EXO1: variants seen among roughly 807,000 people sequenced by gnomAD.
EXO1 encodes the protein exonuclease 1.
In EXO1, 69 loss-of-function variants were observed where a neutral mutation model predicts 84.5. The ratio of observed to expected loss-of-function variants is 0.82; its 90% CI spans 0.67 to 1.00. EXO1 has a LOEUF of 1.00. Ranked by LOEUF, EXO1 falls within the 50% of genes least tolerant of loss-of-function variation. EXO1 has a pLI of 0.00. For synonymous variants in EXO1, 373 were observed against 366.1 expected, an observed-to-expected ratio of 1.02 and a Z score of -0.21; for missense variants, 1,045 against 1,000.7, an observed-to-expected ratio of 1.04 and a Z score of -0.60.
At chr1:241,860,265 A>C (rs1301108160) in intron 8 of EXO1, among the ~76,000 whole-genome samples, 1 of 149,772 alleles carries the variant, frequency 6.7e-6, no homozygotes, top group Non-Finnish European at 1.5e-5. Context: ...TAGAAGCACA[A>C]ACTTGATGTA....
At chr1:241,852,268 G>C (rs1558120681) in intron 4 of EXO1, 24 bp from the exon 5 acceptor site, 2 of 1,592,936 alleles carry the variant, frequency 1.3e-6, no homozygotes, top group Non-Finnish European at 1.7e-6. Context: ...GTGAAGCACT[G>C]AATGTTTTTC....
chr1:241,864,210 A>G (rs1019877414), intron 10 of EXO1, among the ~76,000 whole-genome samples: 3 of 152,200 alleles, frequency 2.0e-5, no homozygotes, highest in African/African-American at 7.2e-5. Flanking sequence ...TTGGTAACAC[A>G]TTGGATTTGA....
chr1:241,878,368 A>G (rs1040470979), intron 12 of EXO1, among the ~76,000 whole-genome samples: 7 of 152,006 alleles, frequency 4.6e-5, no homozygotes, highest in Admixed American at 3.3e-4. Context: ...ATGGTGGCGC[A>G]TGCCTGTAAT....
At chr1:241,880,941 C>T (rs1662713873) in intron 13 of EXO1, among the ~76,000 whole-genome samples, 1 of 152,156 alleles carries the variant, frequency 6.6e-6, no homozygotes, top group African/African-American at 2.4e-5. Flanking sequence ...ATACTGTTAG[C>T]TATGAGCAAA....
At chr1:241,853,041 G>A (rs563316807) in intron 5 of EXO1, among the ~76,000 whole-genome samples, 2 of 152,278 alleles carry the variant, frequency 1.3e-5, no homozygotes, top group Admixed American at 1.3e-4. Flanking sequence ...TAAATGTTAT[G>A]TATCTGCTAC....
intron 6 of EXO1, among the ~76,000 whole-genome samples, chr1:241,855,585 C>T (rs886733896): frequency 1.3e-5 from 2 of 152,230 alleles, no homozygotes; most frequent in Admixed American, 1.3e-4. Flanking sequence ...TGCCCGCACT[C>T]CTCAGCCCTT....
At chr1:241,884,212 G>A (rs1284685374) in intron 14 of EXO1, among the ~76,000 whole-genome samples, 9 of 152,022 alleles carry the variant, frequency 5.9e-5, no homozygotes, top group South Asian at 2.1e-4. Context: ...AAATTCTAAC[G>A]TTTATTTCTT....
chr1:241,872,376 T>G (rs1662165330), intron 12 of EXO1, 98 bp downstream of exon 12: 1 of 1,351,020 alleles, frequency 7.4e-7, no homozygotes, highest in East Asian at 2.4e-5. Flanking sequence ...TTATTATACT[T>G]TAAGTTCTGG....
intron 8 of EXO1, among the ~76,000 whole-genome samples, chr1:241,859,766 C>T (rs1424948128): frequency 1.3e-5 from 2 of 152,214 alleles, no homozygotes; most frequent in Non-Finnish European, 2.9e-5. Context: ...TTCTGAGACT[C>T]TGGACATTGC....
Position 241,860,656 on chromosome 1 carries a change from A to G in EXO1, c.896A>G (p.Asn299Ser), listed in dbSNP as rs4149910. 1,796 of 1,614,092 alleles carry G rather than the reference A, an allele frequency of 1.1e-3. 12 individuals carry two copies. The African/African-American group carries it at 0.021, about 19-fold the overall frequency. The change falls in exon 9 of 16, where the codon AAC (asparagine) becomes AGC (serine). Residue 299 changes from asparagine (N) to serine (S), a missense_variant. Asn to Ser is a conservative substitution (Grantham distance 46). Transcript: ENST00000366548. ...ATCAAAAGGAAACTTATTCCTCTGA[A>G]CGCCTATGAAGATGATGTTGATCCT... ...DPIKRKLIPL[N>S]AYEDDVDPET...
At chr1:241,877,827 G>C (rs1404767899) in intron 12 of EXO1, among the ~76,000 whole-genome samples, 9 of 152,028 alleles carry the variant, frequency 5.9e-5, no homozygotes, top group Admixed American at 5.9e-4. Flanking sequence ...AAAGAGTATA[G>C]AAGTTTATAG....
intron 4 of EXO1, 94 bp from the exon 5 acceptor site, chr1:241,852,195 CCTT>C (rs1660708699): frequency 1.9e-6 from 2 of 1,078,244 alleles, no homozygotes; most frequent in Middle Eastern, 2.4e-4. Context: ...AAATAAAAAA[CCTT>C]CTCTTTCCAT....
Position 241,857,526 on chromosome 1 carries a change from G to A in EXO1, c.543+44G>A, listed in dbSNP as rs375914126. ...TATATATTACTTTTCTATGTAGATA[G>A]TAGTGTAAATCAAGGAGCTGAAATT... On this transcript the variant is annotated intron_variant, in intron 7 of 15. Transcript: ENST00000366548. The A allele has an allele frequency of 6.9e-6, 10 of 1,448,944 alleles. No homozygotes were observed. The African/African-American group carries it at 1.3e-4, about 18-fold the overall frequency. The allele number at this position is 1,448,944 out of a possible 1,614,324, so 89.8% of individuals were successfully genotyped here.
intron 10 of EXO1, among the ~76,000 whole-genome samples, chr1:241,863,781 A>C (rs1195064372): frequency 3.9e-5 from 6 of 152,188 alleles, no homozygotes; most frequent in Non-Finnish European, 8.8e-5. Context: ...TGGCTATTTA[A>C]ATTTGTTAAA....
intron 5 of EXO1, among the ~76,000 whole-genome samples, chr1:241,852,748 C>A (rs1213242576): frequency 1.3e-5 from 2 of 152,188 alleles, no homozygotes; most frequent in African/African-American, 4.8e-5. Flanking sequence ...ACTCCACCTC[C>A]CGGATTCAAG....
intron 12 of EXO1, among the ~76,000 whole-genome samples, chr1:241,874,305 A>C (rs1321905021): frequency 6.6e-6 from 1 of 152,188 alleles, no homozygotes; most frequent in Non-Finnish European, 1.5e-5. Flanking sequence ...AGGCTGAGAC[A>C]CGAGAATTGC....
intron 8 of EXO1, among the ~76,000 whole-genome samples, chr1:241,859,331 A>G (rs955417273): frequency 6.6e-6 from 1 of 152,200 alleles, no homozygotes; most frequent in Non-Finnish European, 1.5e-5. Flanking sequence ...GTTCGTATAC[A>G]AGTTGAACAT....
chr1:241,867,701 T>G (rs1043728379), intron 11 of EXO1, among the ~76,000 whole-genome samples: 1 of 152,166 alleles, frequency 6.6e-6, no homozygotes, highest in African/African-American at 2.4e-5. Context: ...TTTAATTGCC[T>G]TGGCACAGCT....
intron 12 of EXO1, among the ~76,000 whole-genome samples, chr1:241,878,513 G>A (rs1662535978): frequency 7.0e-6 from 1 of 143,758 alleles, no homozygotes; most frequent in Non-Finnish European, 1.5e-5. Flanking sequence ...AAAAAAAGAA[G>A]GAAAATCCTG....
Sources: gnomAD v4.1 joint callset for allele counts (sites outside exome capture counted in the v4.1 genomes callset) on GRCh38, gnomAD v4.1.1 for gene constraint, MANE v1.5 for transcripts, NCBI Gene and HGNC (gene_info 2026-07-23, HGNC 2026-07-21) for gene names.